The following CTIF variants were observed in gnomAD, a reference collection of about 807,000 sequenced individuals.
CTIF encodes the protein CBP80/20-dependent translation initiation factor.
A neutral mutation model predicts 66.0 loss-of-function variants in CTIF; 21 were observed. The ratio of observed to expected loss-of-function variants is 0.32; its 90% CI spans 0.23 to 0.46. The LOEUF (loss-of-function observed/expected upper bound fraction) is 0.46, where lower values mean the gene tolerates loss of function less well. Ranked by LOEUF, CTIF falls within the 20% of genes least tolerant of loss-of-function variation. CTIF has a pLI of 1.00. For missense variants in CTIF, 739 were observed against 812.7 expected (o/e 0.91, Z 1.10); for synonymous variants, 345 against 326.4 (o/e 1.06, Z -0.62).
At chr18:48,617,673 C>G (rs970683633) in intron 1 of CTIF, among the ~76,000 whole-genome samples, 3 of 152,192 alleles carry the variant, frequency 2.0e-5, no homozygotes, top group Non-Finnish European at 2.9e-5. Context: ...CTCCCATGCC[C>G]CTGCCTGTGG....
At chr18:48,709,239 C>T (rs77476765) in intron 6 of CTIF, among the ~76,000 whole-genome samples, 1,687 of 152,354 alleles carry the variant, frequency 0.011, 17 homozygotes, top group Non-Finnish European at 0.019. Context: ...GAGCACAGGC[C>T]TCTAACCACT....
rs1214701369 is a variant in CTIF at position 48,543,804 on chromosome 18, TC to T, written c.-29+4493del. Among the ~76,000 whole-genome samples the T allele has an allele frequency of 3.9e-5, 6 of 152,330 alleles. No individual in the cohort carries two copies. The East Asian group carries it at 1.2e-3, about 29-fold the overall frequency. On this transcript the variant is annotated intron_variant, in intron 1 of 11. Coordinates refer to ENST00000256413, the MANE Select transcript of CTIF (RefSeq NM_014772.3). Reference sequence around the variant, plus strand: ...AATGCTTTCTGGAAAAAAGTTAGGTTCTTCCCAAAGAGTGAGAACTCTTTAT... The same window carrying T: ...AATGCTTTCTGGAAAAAAGTTAGGTTTTCCCAAAGAGTGAGAACTCTTTAT...
chr18:48,635,311 C>A (rs922004569), intron 2 of CTIF, among the ~76,000 whole-genome samples: 2 of 138,928 alleles, frequency 1.4e-5, no homozygotes, highest in Non-Finnish European at 3.1e-5. Flanking sequence ...TTTTCTTTTT[C>A]TTTTTCTTTT....
intron 10 of CTIF, among the ~76,000 whole-genome samples, chr18:48,829,726 C>CGGTGCCCTGCACTAAGAG (rs1328308303): frequency 2.0e-5 from 3 of 152,204 alleles, no homozygotes; most frequent in Non-Finnish European, 4.4e-5. Context: ...GAGGAGCAAA[C>CGGTGCCCTGCACTAAGAG]GGTGCCCTGC....
chr18:48,693,821 C>T (rs186101963), intron 6 of CTIF, among the ~76,000 whole-genome samples: 1 of 152,306 alleles, frequency 6.6e-6, no homozygotes, highest in Admixed American at 6.5e-5. Context: ...TTTTGCCATA[C>T]AGCTGCAGAG....
At chr18:48,596,570 C>T (rs1283981538) in intron 1 of CTIF, among the ~76,000 whole-genome samples, 2 of 151,936 alleles carry the variant, frequency 1.3e-5, no homozygotes, top group African/African-American at 4.8e-5. Context: ...CTCTGCCTCC[C>T]GGGTTCAAAC....
chr18:48,763,798 C>T (rs113180528), intron 9 of CTIF, among the ~76,000 whole-genome samples: 144 of 152,182 alleles, frequency 9.5e-4, no homozygotes, highest in African/African-American at 3.1e-3. Flanking sequence ...CGAGGGACCC[C>T]GTGTGAGCCT....
intron 1 of CTIF, among the ~76,000 whole-genome samples, chr18:48,599,060 G>A (rs537205513): frequency 4.6e-5 from 7 of 152,188 alleles, no homozygotes; most frequent in Admixed American, 4.6e-4. Flanking sequence ...CACCCGACGG[G>A]GGCCTGAGAG....
intron 10 of CTIF, among the ~76,000 whole-genome samples, chr18:48,855,892 G>A (rs139837659): frequency 6.6e-6 from 1 of 152,308 alleles, no homozygotes; most frequent in African/African-American, 2.4e-5. Flanking sequence ...GCTGCTTTGA[G>A]GCAAAGATGA....
At chr18:48,830,736 C>T (rs866133081) in intron 10 of CTIF, among the ~76,000 whole-genome samples, 1 of 151,400 alleles carries the variant, frequency 6.6e-6, no homozygotes, top group Admixed American at 6.6e-5. Flanking sequence ...TCTCAGACCC[C>T]CCCCCGACCA....
At chr18:48,669,842 A>ATAT (rs2091499720) in intron 5 of CTIF, among the ~76,000 whole-genome samples, 1 of 69,842 alleles carries the variant, frequency 1.4e-5, no homozygotes, top group Non-Finnish European at 3.1e-5. Context: ...TATATATATA[A>ATAT]GCTAGACTAT....
chr18:48,781,167 C>A (rs1325037326), intron 9 of CTIF, among the ~76,000 whole-genome samples: 2 of 152,224 alleles, frequency 1.3e-5, no homozygotes, highest in South Asian at 4.1e-4. Flanking sequence ...CTGCTCTACC[C>A]TCCTAGTGCC....
intron 6 of CTIF, among the ~76,000 whole-genome samples, chr18:48,693,714 A>G (rs1159748689): frequency 6.6e-6 from 1 of 152,212 alleles, no homozygotes; most frequent in Non-Finnish European, 1.5e-5. Flanking sequence ...TCTCCAGTGC[A>G]AGGGTCTATC....
chr18:48,541,387 G>T (rs2088615801), intron 1 of CTIF, among the ~76,000 whole-genome samples: 1 of 152,292 alleles, frequency 6.6e-6, no homozygotes, highest in African/African-American at 2.4e-5. Flanking sequence ...AGAGAGCGCC[G>T]CCGCTGCTGG....
intron 1 of CTIF, among the ~76,000 whole-genome samples, chr18:48,616,399 A>G (rs2090401031): frequency 6.6e-6 from 1 of 152,194 alleles, no homozygotes; most frequent in Non-Finnish European, 1.5e-5. Flanking sequence ...CATGCTCAGC[A>G]CTTGAAGAAT....
rs189987971 is a variant in CTIF at position 48,638,672 on chromosome 18, G to A, written c.252+1987G>A. On this transcript the variant is annotated intron_variant, in intron 3 of 11. Transcript: ENST00000256413. ...TCCAGGCACCCTAACACCGCAAGGA[G>A]CAGCTCACCCCAATCTCACCTTCAA... Among the ~76,000 whole-genome samples, 4 of 152,348 alleles carry A rather than the reference G, an allele frequency of 2.6e-5. No homozygotes were observed. In the East Asian group the frequency reaches 7.7e-4, roughly 29 times the overall value.
chr18:48,824,257 G>A (rs568992860), intron 10 of CTIF, among the ~76,000 whole-genome samples: 1 of 152,262 alleles, frequency 6.6e-6, no homozygotes, highest in Admixed American at 6.5e-5. Context: ...AACATCCCAT[G>A]AGCATTTTAT....
chr18:48,833,518 C>CT (rs2068741047), intron 10 of CTIF, among the ~76,000 whole-genome samples: 1 of 152,164 alleles, frequency 6.6e-6, no homozygotes. Flanking sequence ...ACTCCTTGGA[C>CT]GTTCCTAAAG....
At chr18:48,699,090 C>A (rs1164179859) in intron 6 of CTIF, among the ~76,000 whole-genome samples, 1 of 152,186 alleles carries the variant, frequency 6.6e-6, no homozygotes, top group Non-Finnish European at 1.5e-5. Flanking sequence ...CTCTCTTCCC[C>A]ACTCTTCTTA....
Sources: allele counts gnomAD v4.1 joint callset (sites outside exome capture counted in the v4.1 genomes callset), GRCh38; gene constraint gnomAD v4.1.1; transcripts MANE v1.5; gene names NCBI Gene and HGNC (gene_info 2026-07-23, HGNC 2026-07-21).